Variants in PKHD1 observed in about 807,000 individuals in gnomAD.
PKHD1 encodes fibrocystin.
PKHD1 carries 291 observed loss-of-function variants against 412.0 expected under a neutral mutation model. The ratio of observed to expected loss-of-function variants is 0.71; its 90% CI spans 0.64 to 0.78. The LOEUF (loss-of-function observed/expected upper bound fraction) is 0.78. PKHD1 is among the 30% of genes least tolerant of loss of function. The probability of loss-of-function intolerance (pLI) is 0.00; values close to 1 mark genes in which losing one functional copy is unlikely to be tolerated. For synonymous variants in PKHD1, 1,777 were observed against 1,821.5 expected (o/e 0.98, Z 0.62); for missense variants, 4,825 against 4,950.7 (o/e 0.97, Z 0.76).
Position 51,661,711 on chromosome 6 carries a change from T to C in PKHD1, c.10157-1742A>G, listed in dbSNP as rs150830008. Among the ~76,000 whole-genome samples, 64 of 152,218 alleles carry C rather than the reference T, an allele frequency of 4.2e-4. 2 individuals are homozygous for C. The East Asian group carries it at 0.012, about 29-fold the overall frequency. Reference sequence around the variant, plus strand: ...AACCCAGAATAGTTCTTGTTTTGAATCCATAGGGATATTTTATCTTTCAAT... The same window carrying C: ...AACCCAGAATAGTTCTTGTTTTGAACCCATAGGGATATTTTATCTTTCAAT... On this transcript the variant is annotated intron_variant, in intron 60 of 66. Coordinates refer to ENST00000371117, the MANE Select transcript of PKHD1 (RefSeq NM_138694.4).
intron 60 of PKHD1, among the ~76,000 whole-genome samples, chr6:51,696,513 C>T (rs185616680): frequency 6.6e-6 from 1 of 152,316 alleles, no homozygotes; most frequent in Admixed American, 6.5e-5. Flanking sequence ...TCTGTGCAAC[C>T]TCCCCTGATC....
chr6:52,053,395 T>G (rs1294030940), intron 20 of PKHD1, 144 bp from the exon 21 acceptor site: 1 of 794,740 alleles, frequency 1.3e-6, no homozygotes, highest in East Asian at 2.7e-5. Context: ...CAAGCAGTCC[T>G]GGGTGCCAAG....
At chr6:51,988,764 G>A (rs1168371842) in intron 35 of PKHD1, among the ~76,000 whole-genome samples, 1 of 152,200 alleles carries the variant, frequency 6.6e-6, no homozygotes, top group Non-Finnish European at 1.5e-5. Flanking sequence ...GGAAATGATG[G>A]CTCTGAGAAA....
chr6:52,018,390 A>G (rs1800866817), intron 33 of PKHD1, among the ~76,000 whole-genome samples: 1 of 152,156 alleles, frequency 6.6e-6, no homozygotes, highest in South Asian at 2.1e-4. Flanking sequence ...GTAAGTTCCC[A>G]TTACTCCATA....
At chr6:51,768,875 AAAG>A (rs1364563482) in intron 55 of PKHD1, among the ~76,000 whole-genome samples, 6 of 151,846 alleles carry the variant, frequency 4.0e-5, no homozygotes, top group African/African-American at 1.4e-4. Flanking sequence ...CATTAATTTA[AAAG>A]AAGTATCCTT....
At chr6:52,071,677 G>T (rs1238934924) in intron 8 of PKHD1, among the ~76,000 whole-genome samples, 1 of 152,118 alleles carries the variant, frequency 6.6e-6, no homozygotes, top group African/African-American at 2.4e-5. Context: ...AACTCTAGGG[G>T]ATGATTAGTT....
In PKHD1 at chr6:52,028,234, T is replaced by C. The variant is rs181543427; in HGVS notation, c.3482A>G (p.Glu1161Gly). Residue 1161 changes from glutamate to glycine, a missense_variant, in exon 30 of 67, where the codon GAG (glutamate) becomes GGG (glycine). Coordinates refer to ENST00000371117, the MANE Select transcript of PKHD1 (RefSeq NM_138694.4). The stretch of plus-strand genomic sequence containing the variant: ...AGCTGGCAGTGGGGGCAGTGCCACC[T>C]CCAGGCCCCAAGCCGACTGTGTGTG... ...PVHTQSAWGL[E>G]VALPPLPAGL... The C allele has an allele frequency of 6.2e-6, 10 of 1,614,162 alleles. No homozygotes were observed. The highest frequency in any genetic ancestry group is 2.2e-5 in the East Asian group (1 of 44,866).
chr6:51,728,964 C>T (rs1347374757), intron 60 of PKHD1, among the ~76,000 whole-genome samples: 1 of 152,140 alleles, frequency 6.6e-6, no homozygotes, highest in Non-Finnish European at 1.5e-5. Context: ...ATTTTGTCTA[C>T]AAAATTATAA....
At chr6:52,021,545 A>C (rs565083592) in intron 33 of PKHD1, among the ~76,000 whole-genome samples, 1 of 152,318 alleles carries the variant, frequency 6.6e-6, no homozygotes, top group East Asian at 1.9e-4. Context: ...CTAATTTTGC[A>C]CATACCCTCT....
At chr6:51,751,265 C>T (rs1321575364) in intron 57 of PKHD1, among the ~76,000 whole-genome samples, 3 of 151,990 alleles carry the variant, frequency 2.0e-5, no homozygotes, top group African/African-American at 7.3e-5. Flanking sequence ...TATAACAAAT[C>T]AGTACCCATA....
At chr6:51,976,922 T>C (rs1000707324) in intron 35 of PKHD1, among the ~76,000 whole-genome samples, 4 of 120,468 alleles carry the variant, frequency 3.3e-5, no homozygotes, top group Admixed American at 1.0e-4. Context: ...CACTCCAGCC[T>C]GGGTGATAGA....
chr6:51,767,575 T>C (rs1789309694), intron 55 of PKHD1, among the ~76,000 whole-genome samples: 1 of 152,176 alleles, frequency 6.6e-6, no homozygotes, highest in African/African-American at 2.4e-5. Context: ...TGTTTGGTTT[T>C]GTGTCCTTGT....
chr6:52,073,637 T>C (rs2128234180), intron 6 of PKHD1, 96 bp from the exon 7 acceptor site: 1 of 779,374 alleles, frequency 1.3e-6, no homozygotes. Flanking sequence ...ATACTCAATA[T>C]GGCAAAGCAG....
intron 53 of PKHD1, among the ~76,000 whole-genome samples, chr6:51,776,191 G>A (rs891841913): frequency 1.4e-4 from 21 of 151,856 alleles, no homozygotes; most frequent in Admixed American, 7.2e-4. Flanking sequence ...ATTTATCCTG[G>A]TCATATGACT....
At chr6:51,941,534 C>T (rs1210429371) in intron 36 of PKHD1, among the ~76,000 whole-genome samples, 2 of 151,308 alleles carry the variant, frequency 1.3e-5, no homozygotes, top group African/African-American at 4.8e-5. Context: ...GGATTACAGG[C>T]GTGAGCCACC....
At chr6:52,003,799 G>T (rs921009251) in intron 35 of PKHD1, among the ~76,000 whole-genome samples, 1 of 152,018 alleles carries the variant, frequency 6.6e-6, no homozygotes, top group Non-Finnish European at 1.5e-5. Context: ...CTCCAATTTT[G>T]TTCCTTTTCA....
chr6:51,641,237 C>A (rs757990169), intron 63 of PKHD1, among the ~76,000 whole-genome samples: 11 of 152,196 alleles, frequency 7.2e-5, no homozygotes, highest in Non-Finnish European at 1.6e-4. Context: ...CACCCTCAAA[C>A]TAGTCCTCAC....
intron 53 of PKHD1, among the ~76,000 whole-genome samples, chr6:51,784,432 C>A (rs1792537088): frequency 1.3e-5 from 2 of 152,142 alleles, no homozygotes; most frequent in Admixed American, 1.3e-4. Flanking sequence ...TAAAACGAGA[C>A]AGACGTTTCA....
rs149066621 is a variant in PKHD1, at chr6:52,073,676, A to G, written c.449-135T>C. On this transcript the variant is annotated intron_variant, in intron 6 of 66. Transcript: ENST00000371117. ...ATGGCCCAGAAAATTAATACTTTTA[A>G]TAAATTGTACAACAGTAAGGTCAAG... The G allele has an allele frequency of 1.2e-4, 84 of 676,572 alleles. No homozygotes were observed. In the Middle Eastern group the frequency reaches 1.5e-3, roughly 12 times the overall value. 41.9% of individuals were successfully genotyped at this position (676,572 alleles called of 1,614,324 possible).
Sources: allele counts gnomAD v4.1 joint callset (sites outside exome capture counted in the v4.1 genomes callset), GRCh38; gene constraint gnomAD v4.1.1; transcripts MANE v1.5; gene names NCBI Gene and HGNC (gene_info 2026-07-23, HGNC 2026-07-21).